ELAPOR1: variants seen among roughly 807,000 people sequenced by gnomAD.
ELAPOR1 encodes the protein endosome/lysosome-associated apoptosis and autophagy regulator 1.
Under a neutral mutation model 119.7 loss-of-function variants are expected in ELAPOR1, and 77 were observed. The observed-to-expected ratio is 0.64, with a 90% CI of 0.54 to 0.78. The LOEUF is 0.78. ELAPOR1 is among the 30% of genes least tolerant of loss of function. The pLI is 0.00. For missense variants in ELAPOR1, 1,115 were observed against 1,270.4 expected (o/e 0.88, Z 1.86); for synonymous variants, 481 against 487.2 (o/e 0.99, Z 0.17).
rs763442759 is a variant in ELAPOR1, at chr1:109,191,436, C to T, written c.1510C>T (p.Leu504Phe). ...VARITFVFET[L>F]CSVNCELYFM... ...CAGAATCACATTTGTCTTTGAGACC[C>T]TCTGTTCTGTGAACTGTGAGCTCTA... is the stretch of plus-strand genomic sequence containing the variant. The change falls in exon 12 of 22, where the codon CTC becomes TTC. Residue 504 changes from leucine (L) to phenylalanine (F), a missense_variant. By Grantham distance (22) the Leu-to-Phe change is conservative (BLOSUM62 0). Coordinates refer to ENST00000369939, the MANE Select transcript of ELAPOR1 (RefSeq NM_020775.5). 1.9e-6 allele frequency: 3 copies of T among 1,614,110 alleles called. No homozygotes were observed. Among genetic ancestry groups the T allele is most frequent in the Admixed American group, 1.7e-5 (1 of 60,024 alleles).
Position 109,189,210 on chromosome 1 carries a change from TG to T in ELAPOR1, c.1348+17del. 6.2e-7 allele frequency: 1 copy of T among 1,611,432 alleles called. No homozygotes were observed. The highest frequency in any genetic ancestry group is 1.3e-5 in the African/African-American group (1 of 75,048). On this transcript the variant is annotated intron_variant, in intron 10 of 21. Transcript: ENST00000369939. ...GGCATGACAGGTAATTGCCTCTCCC[TG>T]TGCCATGAGCTGTCAGCTCCCTGCA... is the stretch of plus-strand genomic sequence containing the variant.
At chr1:109,189,860 A>C (rs554499261) in intron 11 of ELAPOR1, among the ~76,000 whole-genome samples, 178 bp downstream of exon 11, 1 of 152,232 alleles carries the variant, frequency 6.6e-6, no homozygotes, top group East Asian at 1.9e-4. Context: ...ACGTTTTTCA[A>C]GTTGCTGCCC....
At position 109,136,276 on chromosome 1, in the gene ELAPOR1, A is replaced by T. The variant is rs1182261764; in HGVS notation, c.153+21940A>T. 3.9e-5 allele frequency among the ~76,000 whole-genome samples: 6 copies of T among 152,298 alleles called. No homozygotes were observed. In the South Asian group the frequency reaches 6.2e-4, roughly 16 times the overall value. On this transcript the variant is annotated intron_variant, in intron 1 of 21. Coordinates refer to ENST00000369939, the MANE Select transcript of ELAPOR1 (RefSeq NM_020775.5). ...CTCATCCAGTATGACCAGGGTCCTT[A>T]TAAAAAGGGGGAAGTTTGGACAGAG...
chr1:109,121,089 A>C (rs970785402), intron 1 of ELAPOR1, among the ~76,000 whole-genome samples: 1 of 152,138 alleles, frequency 6.6e-6, no homozygotes, highest in African/African-American at 2.4e-5. Flanking sequence ...CAGTTTACAA[A>C]ATTTTGAAAT....
intron 20 of ELAPOR1, 40 bp from the exon 21 acceptor site, chr1:109,200,695 C>T: frequency 6.3e-7 from 1 of 1,595,100 alleles, no homozygotes; most frequent in Non-Finnish European, 8.6e-7. Flanking sequence ...CTTATTCCCA[C>T]ATTTTGGGAT....
intron 1 of ELAPOR1, among the ~76,000 whole-genome samples, chr1:109,120,400 A>ATAAAAT (rs533587319): frequency 1.1e-3 from 88 of 82,932 alleles, no homozygotes; most frequent in African/African-American, 3.7e-3. Context: ...CTGTCTTAAA[A>ATAAAAT]TAAAATAAAA....
rs558657667 is a variant in ELAPOR1, at chr1:109,195,732, T to A, written c.2121+1138T>A. Among the ~76,000 whole-genome samples, 50 of 152,378 alleles carry A rather than the reference T, an allele frequency of 3.3e-4. No individual in the cohort carries two copies. The South Asian group carries it at 8.5e-3, about 26-fold the overall frequency. ...GCTTTATAAGGAAAGATTGTCACCA[T>A]CAGCCATTTCATGCTGCTGCAAATA... On this transcript the variant is annotated intron_variant, in intron 15 of 21. Transcript: ENST00000369939.
intron 14 of ELAPOR1, 137 bp downstream of exon 14, chr1:109,193,011 G>C: frequency 3.2e-6 from 3 of 928,764 alleles, no homozygotes; most frequent in Non-Finnish European, 3.3e-6. Flanking sequence ...TGGAGTCCTG[G>C]AGGACACCCA....
At position 109,199,834 on chromosome 1, in the gene ELAPOR1, T is replaced by C; in HGVS notation, c.2502-20T>C. The C allele has an allele frequency of 6.2e-7, 1 of 1,608,060 alleles. No individual in the cohort carries two copies. Among genetic ancestry groups the C allele is most frequent in the Admixed American group, 1.7e-5 (1 of 60,008 alleles). On this transcript the variant is annotated intron_variant, in intron 18 of 21. Coordinates refer to ENST00000369939, the MANE Select transcript of ELAPOR1 (RefSeq NM_020775.5). ...CCCCTCCAGCGAGTGAGAGCTCAGG[T>C]CTCTTTTCTGCTTTGCTAGAACGTG...
chr1:109,183,611 TCCTTCCCTCCTTCCTTCCTTCCTTC>T (rs1393379303), intron 7 of ELAPOR1, among the ~76,000 whole-genome samples: 1 of 124,092 alleles, frequency 8.1e-6, no homozygotes, highest in African/African-American at 3.0e-5. Flanking sequence ...CTTCCTTCCA[TCCTTCCCTCCTTCCTTCCTTCCTTC>T]CTAACAGAGT....
At chr1:109,170,966 C>A (rs145080847) in intron 3 of ELAPOR1, among the ~76,000 whole-genome samples, 1 of 152,314 alleles carries the variant, frequency 6.6e-6, no homozygotes, top group Non-Finnish European at 1.5e-5. Context: ...CATTTACATG[C>A]AGCATCTTAT....
At chr1:109,123,957 C>T (rs1162308138) in intron 1 of ELAPOR1, among the ~76,000 whole-genome samples, 1 of 152,162 alleles carries the variant, frequency 6.6e-6, no homozygotes, top group Non-Finnish European at 1.5e-5. Context: ...CGTGGGCCAC[C>T]ACGCCCAGCT....
rs768602317 is a variant in ELAPOR1 at position 109,200,213 on chromosome 1, G to A, written c.2783G>A (p.Cys928Tyr). ...GCCATCCTGCTCACCGTCTTGACCT[G>A]CTACTTTTGGAAAAAGAATCAAAAG... Reference protein sequence around the residue: ...CTAILLTVLTCYFWKKNQKLE... With the variant: ...CTAILLTVLTYYFWKKNQKLE... The change falls in exon 20 of 22, where the codon TGC (cysteine) becomes TAC (tyrosine). Residue 928 changes from cysteine (C) to tyrosine (Y), a missense_variant. Cys to Tyr is a radical substitution (Grantham distance 194). Transcript: ENST00000369939. 1.7e-5 allele frequency: 27 copies of A among 1,613,972 alleles called. No individual in the cohort carries two copies. Among genetic ancestry groups the A allele is most frequent in the Non-Finnish European group, 1.7e-6 (2 of 1,179,980 alleles).
At chr1:109,142,293 G>A (rs778011852) in intron 1 of ELAPOR1, among the ~76,000 whole-genome samples, 1 of 152,200 alleles carries the variant, frequency 6.6e-6, no homozygotes, top group Non-Finnish European at 1.5e-5. Context: ...AGACGTATAG[G>A]TAGAAGCTGA....
At chr1:109,189,225 C>T in intron 10 of ELAPOR1, 31 bp downstream of exon 10, 1 of 1,605,486 alleles carries the variant, frequency 6.2e-7, no homozygotes, top group Non-Finnish European at 8.5e-7. Context: ...CATGAGCTGT[C>T]AGCTCCCTGC....
intron 1 of ELAPOR1, among the ~76,000 whole-genome samples, chr1:109,152,999 A>C (rs933544181): frequency 2.6e-5 from 4 of 151,706 alleles, no homozygotes; most frequent in Non-Finnish European, 5.9e-5. Flanking sequence ...GAAAAATGAA[A>C]AATGACAGTC....
intron 1 of ELAPOR1, among the ~76,000 whole-genome samples, chr1:109,143,395 C>T (rs146321277): frequency 9.3e-4 from 142 of 152,212 alleles, no homozygotes; most frequent in Admixed American, 2.8e-3. Flanking sequence ...TATGAAGTGT[C>T]CACAATAGGT....
chr1:109,192,429 T>A (rs1036872903), intron 13 of ELAPOR1, among the ~76,000 whole-genome samples, 182 bp from the exon 14 acceptor site: 1 of 152,208 alleles, frequency 6.6e-6, no homozygotes, highest in Non-Finnish European at 1.5e-5. Flanking sequence ...AGTCTCATTT[T>A]AAAATGACAT....
chr1:109,133,960 A>G (rs1303758994), intron 1 of ELAPOR1, among the ~76,000 whole-genome samples: 1 of 152,172 alleles, frequency 6.6e-6, no homozygotes, highest in African/African-American at 2.4e-5. Context: ...GCAAAGTGTG[A>G]GGTGCTAATG....
Sources: gnomAD v4.1 joint callset for allele counts (sites outside exome capture counted in the v4.1 genomes callset) on GRCh38, gnomAD v4.1.1 for gene constraint, MANE v1.5 for transcripts, NCBI Gene and HGNC (gene_info 2026-07-23, HGNC 2026-07-21) for gene names.